The following SNTG1 variants were observed in gnomAD, a reference collection of about 807,000 sequenced individuals.
SNTG1 encodes syntrophin gamma 1, also known as gamma-1-syntrophin.
A neutral mutation model predicts 74.7 loss-of-function variants in SNTG1; 39 were observed. The observed-to-expected ratio is 0.52, with a 90% CI of 0.40 to 0.68. SNTG1 has a LOEUF of 0.68. SNTG1 is among the 30% of genes least tolerant of loss of function. The pLI, the probability that SNTG1 is intolerant of heterozygous loss-of-function variation, is 0.00. For synonymous variants in SNTG1, 254 were observed against 217.1 expected (o/e 1.17, Z -1.49); for missense variants, 685 against 609.5 (o/e 1.12, Z -1.30).
intron 17 of SNTG1, among the ~76,000 whole-genome samples, chr8:50,744,098 G>A (rs891137432): frequency 5.9e-5 from 9 of 151,944 alleles, no homozygotes; most frequent in Admixed American, 1.3e-4. Context: ...ATCTGCCCCC[G>A]TGATCCACAC....
intron 18 of SNTG1, among the ~76,000 whole-genome samples, chr8:50,780,107 G>C (rs557693777): frequency 2.6e-4 from 39 of 152,272 alleles, no homozygotes; most frequent in African/African-American, 9.1e-4. Flanking sequence ...TGGTTTGCCA[G>C]TATTTTATTG....
intron 1 of SNTG1, among the ~76,000 whole-genome samples, chr8:50,043,607 G>A (rs1345013361): frequency 1.3e-5 from 2 of 152,192 alleles, no homozygotes; most frequent in African/African-American, 4.8e-5. Flanking sequence ...ATGCGTTCCT[G>A]CAATTAAGGG....
At chr8:50,230,430 C>A (rs2085558616) in intron 2 of SNTG1, among the ~76,000 whole-genome samples, 3 of 151,300 alleles carry the variant, frequency 2.0e-5, no homozygotes, top group Admixed American at 2.0e-4. Context: ...ATATGTATAG[C>A]TTTACACATA....
At chr8:50,493,791 A>G (rs1485226972) in intron 8 of SNTG1, among the ~76,000 whole-genome samples, 1 of 151,008 alleles carries the variant, frequency 6.6e-6, no homozygotes, top group Non-Finnish European at 1.5e-5. Context: ...ACTTTTATAT[A>G]AATAAAGACA....
At chr8:50,112,796 A>G (rs910932772) in intron 1 of SNTG1, among the ~76,000 whole-genome samples, 14 of 152,260 alleles carry the variant, frequency 9.2e-5, no homozygotes, top group Admixed American at 3.9e-4. Context: ...GGCATGAGCC[A>G]CTGCATCTGG....
chr8:50,189,359 G>A (rs2083487500), intron 2 of SNTG1, among the ~76,000 whole-genome samples: 1 of 151,918 alleles, frequency 6.6e-6, no homozygotes, highest in Non-Finnish European at 1.5e-5. Context: ...TGGATATCTT[G>A]TTAAAACTCT....
At chr8:50,587,771 T>G (rs1198849315) in intron 12 of SNTG1, among the ~76,000 whole-genome samples, 5 of 144,592 alleles carry the variant, frequency 3.5e-5, no homozygotes, top group African/African-American at 1.3e-4. Context: ...ATTGCCAGCC[T>G]GGGGGACGAG....
intron 1 of SNTG1, among the ~76,000 whole-genome samples, chr8:50,145,580 T>C (rs1490953074): frequency 6.6e-6 from 1 of 152,182 alleles, no homozygotes; most frequent in Non-Finnish European, 1.5e-5. Context: ...CTGCATTTAC[T>C]GTCTTACAGA....
chr8:50,359,143 T>A (rs924244579), intron 2 of SNTG1, among the ~76,000 whole-genome samples: 2 of 152,188 alleles, frequency 1.3e-5, no homozygotes, highest in Non-Finnish European at 2.9e-5. Context: ...GTTCTTTCCT[T>A]AGGTAGATGC....
intron 2 of SNTG1, among the ~76,000 whole-genome samples, chr8:50,177,912 T>C (rs1353362943): frequency 6.6e-6 from 1 of 152,176 alleles, no homozygotes; most frequent in African/African-American, 2.4e-5. Flanking sequence ...CAATGATCTT[T>C]TCACTGTCTC....
intron 15 of SNTG1, among the ~76,000 whole-genome samples, chr8:50,670,885 G>A (rs1024636827): frequency 9.2e-5 from 14 of 151,708 alleles, no homozygotes; most frequent in African/African-American, 2.9e-4. Flanking sequence ...CAGAAATGAC[G>A]CCACATATCT....
At chr8:50,123,084 C>A (rs2081047158) in intron 1 of SNTG1, among the ~76,000 whole-genome samples, 1 of 142,106 alleles carries the variant, frequency 7.0e-6, no homozygotes, top group African/African-American at 2.6e-5. Flanking sequence ...CACCAGAGTA[C>A]AAAATCTTAG....
At chr8:50,001,608 G>C (rs1163057035) in intron 1 of SNTG1, among the ~76,000 whole-genome samples, 1 of 152,156 alleles carries the variant, frequency 6.6e-6, no homozygotes, top group African/African-American at 2.4e-5. Flanking sequence ...CAACTCCTCT[G>C]TATACATCAG....
intron 13 of SNTG1, among the ~76,000 whole-genome samples, chr8:50,617,770 G>C (rs1172262570): frequency 1.3e-5 from 2 of 152,168 alleles, no homozygotes; most frequent in Non-Finnish European, 2.9e-5. Flanking sequence ...AATTAGATCG[G>C]AACAAAACAG....
chr8:50,315,842 T>C (rs1024680079), intron 2 of SNTG1, among the ~76,000 whole-genome samples: 4 of 152,148 alleles, frequency 2.6e-5, no homozygotes, highest in African/African-American at 4.8e-5. Context: ...AATTCACAGA[T>C]GTGAGCTGAA....
At chr8:50,500,211 A>G in intron 8 of SNTG1, among the ~76,000 whole-genome samples, 1 of 146,780 alleles carries the variant, frequency 6.8e-6, no homozygotes, top group East Asian at 2.0e-4. Context: ...TTTTGTTACT[A>G]TCCTTCAGGT....
intron 2 of SNTG1, among the ~76,000 whole-genome samples, chr8:50,341,640 G>A (rs1034267922): frequency 6.6e-6 from 1 of 151,880 alleles, no homozygotes; most frequent in South Asian, 2.1e-4. Flanking sequence ...AAACATTGTA[G>A]TAAAAAATGT....
chr8:50,051,032 A>G (rs1198905110), intron 1 of SNTG1, among the ~76,000 whole-genome samples: 1 of 152,010 alleles, frequency 6.6e-6, no homozygotes, highest in Non-Finnish European at 1.5e-5. Flanking sequence ...ATCCACATCT[A>G]ATTCATCCTT....
intron 1 of SNTG1, among the ~76,000 whole-genome samples, chr8:50,141,012 A>G (rs1411889308): frequency 6.6e-6 from 1 of 152,158 alleles, no homozygotes; most frequent in African/African-American, 2.4e-5. Context: ...TAGAAATTCA[A>G]ATTATTTGGC....
Sources: gnomAD v4.1 joint callset for allele counts (sites outside exome capture counted in the v4.1 genomes callset) on GRCh38, gnomAD v4.1.1 for gene constraint, MANE v1.5 for transcripts, NCBI Gene and HGNC (gene_info 2026-07-23, HGNC 2026-07-21) for gene names.